The following SP110 variants were observed in gnomAD, a reference collection of about 807,000 sequenced individuals.
SP110 encodes SP110 nuclear body protein.
A neutral mutation model predicts 92.7 loss-of-function variants in SP110; 62 were observed. That is an observed-to-expected ratio of 0.67 (90% CI 0.55 to 0.83). The LOEUF (loss-of-function observed/expected upper bound fraction) is 0.83, where lower values mean the gene tolerates loss of function less well. Ranked by LOEUF, SP110 falls within the 40% of genes least tolerant of loss-of-function variation. The pLI, the probability that SP110 is intolerant of heterozygous loss-of-function variation, is 0.00. For missense variants in SP110, 793 were observed against 863.9 expected (o/e 0.92, Z 1.03); for synonymous variants, 273 against 305.3 (o/e 0.89, Z 1.10).
intron 8 of SP110, among the ~76,000 whole-genome samples, chr2:230,207,503 T>C (rs1246699273): frequency 6.6e-6 from 1 of 152,200 alleles, no homozygotes; most frequent in East Asian, 1.9e-4. Context: ...CATAGATGGC[T>C]AGCAGAAACC....
chr2:230,201,233 T>TG lies in SP110; in HGVS notation c.1049-269dup, dbSNP rs533698073. On this transcript the variant is annotated intron_variant, in intron 9 of 18. Transcript: ENST00000258381. ...GTGGGGTGCAGCCATCTGAACCCCT[T>TG]GGCCAGAGTCTCTCAAAGTAAGGTC... Among the ~76,000 whole-genome samples, 25 of 152,372 alleles carry TG rather than the reference T, an allele frequency of 1.6e-4. 1 individual carries two copies. The South Asian group carries it at 5.2e-3, about 32-fold the overall frequency.
chr2:230,207,710 G>A (rs2044023104), intron 8 of SP110, among the ~76,000 whole-genome samples: 1 of 151,872 alleles, frequency 6.6e-6, no homozygotes, highest in South Asian at 2.1e-4. Context: ...TCTTGAATTG[G>A]CACTCTTCTC....
At chr2:230,195,877 G>A (rs1462751213) in intron 10 of SP110, among the ~76,000 whole-genome samples, 1 of 151,922 alleles carries the variant, frequency 6.6e-6, no homozygotes, top group African/African-American at 2.4e-5. Context: ...CATATAGAAG[G>A]TTAATATCCT....
At chr2:230,170,869 C>T (rs1189242470) in intron 17 of SP110, 108 bp from the exon 18 acceptor site, 2 of 1,151,806 alleles carry the variant, frequency 1.7e-6, no homozygotes, top group African/African-American at 3.1e-5. Context: ...AATGATAATA[C>T]CATTTGACCT....
Position 230,214,946 on chromosome 2 carries a change from T to C in SP110, c.316+4A>G. On this transcript the variant is annotated splice_donor_region_variant and intron_variant, in intron 3 of 18. Coordinates refer to ENST00000258381, the MANE Select transcript of SP110 (RefSeq NM_080424.4). ...TGCAAAAAGCACTTGAGAAATCTCA[T>C]TACCACGTTTGAAGCTTCTGTAAAT... 1 of 1,613,476 alleles carries C rather than the reference T, an allele frequency of 6.2e-7. No homozygotes were observed. Among genetic ancestry groups the C allele is most frequent in the Non-Finnish European group, 8.5e-7 (1 of 1,179,382 alleles).
At chr2:230,217,828 C>A (rs1413349737) in intron 1 of SP110, among the ~76,000 whole-genome samples, 1 of 152,146 alleles carries the variant, frequency 6.6e-6, no homozygotes, top group Admixed American at 6.5e-5. Flanking sequence ...GCAACAGGGA[C>A]CACCCTAAAA....
At chr2:230,220,825 G>T (rs1034805328), upstream of SP110, among the ~76,000 whole-genome samples, 2 of 152,102 alleles carry the variant, frequency 1.3e-5, no homozygotes, top group South Asian at 4.1e-4. Context: ...GCAACATAGT[G>T]AGACCCCATC....
chr2:230,182,662 G>C (rs2042179681), intron 12 of SP110, among the ~76,000 whole-genome samples: 1 of 152,060 alleles, frequency 6.6e-6, no homozygotes, highest in African/African-American at 2.4e-5. Flanking sequence ...ACACGGGTAG[G>C]GGTGGTTTAT....
Position 230,186,907 on chromosome 2 carries a change from A to G in SP110, c.1130-764T>C, listed in dbSNP as rs375214252. 3.3e-3 allele frequency among the ~76,000 whole-genome samples: 505 copies of G among 152,300 alleles called. 2 individuals carry two copies. The highest frequency in any genetic ancestry group is 0.012 in the African/African-American group (479 of 41,566). ...ATTTTCTTTACACATTCATTGGTCA[A>G]TGGGCACTGAGGTTGGTTCCCTATC... is the stretch of plus-strand genomic sequence containing the variant. On this transcript the variant is annotated intron_variant, in intron 10 of 18. Coordinates refer to ENST00000258381, the MANE Select transcript of SP110 (RefSeq NM_080424.4).
At chr2:230,175,801 G>A (rs1206457663) in intron 14 of SP110, among the ~76,000 whole-genome samples, 1 of 152,192 alleles carries the variant, frequency 6.6e-6, no homozygotes, top group Non-Finnish European at 1.5e-5. Flanking sequence ...GTTCAAAGGC[G>A]TCATTCCATC....
In SP110 at chr2:230,165,895, CT is replaced by C. The variant is rs34761414; in HGVS notation, c.*3228del. ...GACAGAAATAAGACCACCTATATAA[CT>C]TTTTTTTTTTTTTTTGAAACAGAGT... On this transcript the variant is annotated 3_prime_UTR_variant, in exon 19 of 19. Transcript: ENST00000258381. Among the ~76,000 whole-genome samples, 102 of 138,860 alleles carry C rather than the reference CT, an allele frequency of 7.3e-4. No homozygotes were observed. The highest frequency in any genetic ancestry group is 3.3e-3 in the East Asian group (16 of 4,842). The allele number at this position is 138,860 out of a possible 152,430, so 91.1% of individuals were successfully genotyped here.
chr2:230,218,777 A>C (rs926627558), intron 1 of SP110, among the ~76,000 whole-genome samples: 26 of 152,238 alleles, frequency 1.7e-4, no homozygotes, highest in Admixed American at 1.7e-3. Context: ...GACTGTTCAG[A>C]TTTTTATTAT....
At chr2:230,200,592 G>C in intron 10 of SP110, 1 of 461,768 alleles carries the variant, frequency 2.2e-6, no homozygotes, top group Non-Finnish European at 3.9e-6. Flanking sequence ...CTCATTCTCA[G>C]TAATGGTGAT....
intron 2 of SP110, among the ~76,000 whole-genome samples, chr2:230,215,685 C>T (rs1450876665): frequency 6.6e-6 from 1 of 152,172 alleles, no homozygotes; most frequent in Non-Finnish European, 1.5e-5. Flanking sequence ...AATTATTGAA[C>T]ATCTACTAGG....
In SP110 at chr2:230,182,244, T is replaced by C. The variant is rs911659811; in HGVS notation, c.1348+1328A>G. On this transcript the variant is annotated intron_variant, in intron 12 of 18. Coordinates refer to ENST00000258381, the MANE Select transcript of SP110 (RefSeq NM_080424.4). ...CACCACATGGGTTCTCACTTATAAG[T>C]GGGAGTTAAACAATGAGAACACATG... is the stretch of plus-strand genomic sequence containing the variant. 4.6e-5 allele frequency among the ~76,000 whole-genome samples: 7 copies of C among 151,812 alleles called. 1 individual carries two copies. Among genetic ancestry groups the C allele is most frequent in the Admixed American group, 3.9e-4 (6 of 15,254 alleles).
At chr2:230,180,342 G>A (rs961958295) in intron 12 of SP110, among the ~76,000 whole-genome samples, 7 of 151,700 alleles carry the variant, frequency 4.6e-5, no homozygotes, top group Non-Finnish European at 1.0e-4. Context: ...GGAGCACAAG[G>A]TGGAAATTAT....
upstream of SP110, chr2:230,221,785 C>A: frequency 1.4e-6 from 2 of 1,462,054 alleles, no homozygotes; most frequent in South Asian, 1.2e-5. Context: ...TCCTTTAGAT[C>A]TATTCAGAGA....
At position 230,176,414 on chromosome 2, in the gene SP110, C is replaced by T. The variant is rs1044165147; in HGVS notation, c.1590+1124G>A. 2.0e-5 allele frequency: 26 copies of T among 1,333,024 alleles called. No individual in the cohort carries two copies. In the Admixed American group the frequency reaches 2.5e-4, roughly 13 times the overall value. 82.6% of individuals were successfully genotyped at this position (1,333,024 alleles called of 1,614,324 possible). A position where few individuals can be genotyped will look rare whatever the true frequency, so the allele number is the denominator to read the frequency against. On this transcript the variant is annotated intron_variant, in intron 14 of 18. Transcript: ENST00000258381. ...TAGGCTTAGAGCATTTTATTTCTGA[C>T]ACCTTTGGTTTATAGCCATCCAAAT...
intron 10 of SP110, among the ~76,000 whole-genome samples, chr2:230,186,985 T>C (rs954611224): frequency 4.6e-5 from 7 of 152,190 alleles, no homozygotes; most frequent in Non-Finnish European, 1.0e-4. Flanking sequence ...GTCTTCTTGA[T>C]ATAATGACTT....
Sources: gnomAD v4.1 joint callset for allele counts (sites outside exome capture counted in the v4.1 genomes callset) on GRCh38, gnomAD v4.1.1 for gene constraint, MANE v1.5 for transcripts, NCBI Gene and HGNC (gene_info 2026-07-23, HGNC 2026-07-21) for gene names.